The following ACMSD variants were observed in gnomAD, a reference collection of about 807,000 sequenced individuals.
The protein encoded by ACMSD is aminocarboxymuconate semialdehyde decarboxylase, also known as 2-amino-3-carboxymuconate-6-semialdehyde decarboxylase.
Under a neutral mutation model 45.9 loss-of-function variants are expected in ACMSD, and 37 were observed. The ratio of observed to expected loss-of-function variants is 0.81; its 90% CI spans 0.62 to 1.06. ACMSD has a LOEUF of 1.06. Among genes scored for constraint, ACMSD ranks in the 50% least tolerant of loss-of-function variants. The pLI, the probability that ACMSD is intolerant of heterozygous loss-of-function variation, is 0.00. For synonymous variants in ACMSD, 138 were observed against 148.8 expected, an observed-to-expected ratio of 0.93 and a Z score of 0.53; for missense variants, 434 against 420.9, an observed-to-expected ratio of 1.03 and a Z score of -0.27.
chr2:134,888,679 G>C (rs1392764594), intron 8 of ACMSD, among the ~76,000 whole-genome samples: 1 of 152,102 alleles, frequency 6.6e-6, no homozygotes, highest in Non-Finnish European at 1.5e-5. Context: ...AAAATAATTT[G>C]CTGATACACA....
At chr2:134,899,863 C>A (rs1233321170) in intron 9 of ACMSD, among the ~76,000 whole-genome samples, 3 of 151,994 alleles carry the variant, frequency 2.0e-5, no homozygotes, top group Non-Finnish European at 4.4e-5. Context: ...AGGTATAAAA[C>A]AATTTGTATA....
chr2:134,868,220 T>C lies in ACMSD; in HGVS notation c.580+548T>C, dbSNP rs1409107583. Among the ~76,000 whole-genome samples, 6 of 152,266 alleles carry C rather than the reference T, an allele frequency of 3.9e-5. No homozygotes were observed. In the East Asian group the frequency reaches 1.2e-3, roughly 29 times the overall value. ...ATAAAAGATGACCCAGGCTTGCAATTTGCCTGTTATCTGCTCCTCTCTTCT... is the reference window on the plus strand; with the variant it reads ...ATAAAAGATGACCCAGGCTTGCAATCTGCCTGTTATCTGCTCCTCTCTTCT... On this transcript the variant is annotated intron_variant, in intron 6 of 9. Coordinates refer to ENST00000356140, the MANE Select transcript of ACMSD (RefSeq NM_138326.3).
chr2:134,895,165 G>C (rs10182987), intron 8 of ACMSD, among the ~76,000 whole-genome samples: 8,761 of 151,682 alleles, frequency 0.058, 396 homozygotes, highest in African/African-American at 0.13. Flanking sequence ...AATTAGCCGA[G>C]TGTGGTGGCA....
At position 134,872,565 on chromosome 2, in the gene ACMSD, ACCTTGGTT is replaced by A; in HGVS notation, c.778_785del (p.Gly260LeufsTer8). ...GACAACCCCATGAACCCGAAGAAAT[ACCTTGGTT>A]CCTTTTACACAGATGCTTTGGTTCA... On this transcript the variant is annotated frameshift_variant, in exon 8 of 10. Transcript: ENST00000356140. LOFTEE classifies it high-confidence loss of function. 6.2e-7 allele frequency: 1 copy of A among 1,614,128 alleles called. No homozygotes were observed. The highest frequency in any genetic ancestry group is 8.5e-7 in the Non-Finnish European group (1 of 1,180,014).
At chr2:134,842,269 A>G (rs894167886) in intron 1 of ACMSD, among the ~76,000 whole-genome samples, 1 of 152,090 alleles carries the variant, frequency 6.6e-6, no homozygotes, top group African/African-American at 2.4e-5. Flanking sequence ...TCAAGCACAG[A>G]CCTGGAGAAG....
At position 134,867,679 on chromosome 2, in the gene ACMSD, G is replaced by A; in HGVS notation, c.580+7G>A. The A allele has an allele frequency of 6.2e-7, 1 of 1,612,730 alleles. No individual in the cohort carries two copies. Among genetic ancestry groups the A allele is most frequent in the Non-Finnish European group, 8.5e-7 (1 of 1,179,098 alleles). ...TGGCTCCCTTGGCTTGTAGGTTTGT[G>A]TCTGTGTGGGGTCTGGAACAGAGGA... On this transcript the variant is annotated splice_region_variant and intron_variant, in intron 6 of 9. Transcript: ENST00000356140.
chr2:134,873,679 A>C (rs948463390), intron 8 of ACMSD: 5 of 152,200 alleles, frequency 3.3e-5, no homozygotes, highest in Non-Finnish European at 4.4e-5. Flanking sequence ...CCAGAATATA[A>C]ATATTAAGCA....
chr2:134,889,596 T>C (rs1042889086), intron 8 of ACMSD, among the ~76,000 whole-genome samples: 13 of 152,160 alleles, frequency 8.5e-5, no homozygotes, highest in African/African-American at 1.9e-4. Context: ...AGTATAACAA[T>C]TGTTTACATA....
At chr2:134,876,134 T>C (rs1002234174) in intron 8 of ACMSD, among the ~76,000 whole-genome samples, 1 of 152,186 alleles carries the variant, frequency 6.6e-6, no homozygotes, top group Admixed American at 6.5e-5. Flanking sequence ...GGACTGGAAG[T>C]TGCTCTGGGT....
chr2:134,889,932 AATAGGTGAAC>A (rs1689680589), intron 8 of ACMSD, among the ~76,000 whole-genome samples: 1 of 152,152 alleles, frequency 6.6e-6, no homozygotes, highest in African/African-American at 2.4e-5. Context: ...TATATTAATA[AATAGGTGAAC>A]ATATATATTT....
At chr2:134,888,651 A>G (rs1428020767) in intron 8 of ACMSD, among the ~76,000 whole-genome samples, 2 of 152,220 alleles carry the variant, frequency 1.3e-5, no homozygotes, top group Non-Finnish European at 2.9e-5. Flanking sequence ...AAAAAACAAC[A>G]ACAAAACAGA....
intron 8 of ACMSD, among the ~76,000 whole-genome samples, chr2:134,885,277 ATTATATATTATATT>A (rs1689278024): frequency 1.6e-5 from 1 of 60,750 alleles, no homozygotes; most frequent in African/African-American, 8.8e-5. Context: ...AAATATATAT[ATTATATATTATATT>A]TATATATATA....
Position 134,838,694 on chromosome 2 carries a change from C to T in ACMSD, c.12C>T (p.Asp4=), listed in dbSNP as rs753040063. 1.9e-6 allele frequency: 3 copies of T among 1,607,020 alleles called. No homozygotes were observed. Among genetic ancestry groups the T allele is most frequent in the East Asian group, 2.2e-5 (1 of 44,848 alleles). MKI[D]IHSHILPKEW... is the part of the protein sequence containing the mutation. ...CTGATCCTGTGGAGATGAAAATTGA[C>T]ATCCATAGTCATATTCTACCAAAAG... The change falls in exon 1 of 10, where the codon GAC becomes GAT. Residue 4 remains aspartate (D), a synonymous_variant. Transcript: ENST00000356140.
intron 8 of ACMSD, among the ~76,000 whole-genome samples, chr2:134,885,283 T>TA (rs1559064572): frequency 2.1e-4 from 13 of 63,368 alleles, no homozygotes; most frequent in South Asian, 1.3e-3. Flanking sequence ...ATATATTATA[T>TA]ATTATATTTA....
chr2:134,900,130 G>A (rs1012825010), intron 9 of ACMSD, among the ~76,000 whole-genome samples: 11 of 152,134 alleles, frequency 7.2e-5, no homozygotes, highest in African/African-American at 1.2e-4. Flanking sequence ...TAAGTACATT[G>A]GAAGGTATAG....
At chr2:134,872,438 C>G in intron 7 of ACMSD, 31 bp from the exon 8 acceptor site, 1 of 1,613,608 alleles carries the variant, frequency 6.2e-7, no homozygotes, top group South Asian at 1.1e-5. Context: ...ACAATCAACA[C>G]TAGCCCCTCA....
At chr2:134,860,191 A>AGGC (rs1352850946) in intron 3 of ACMSD, among the ~76,000 whole-genome samples, 2 of 152,212 alleles carry the variant, frequency 1.3e-5, no homozygotes, top group Admixed American at 6.5e-5. Flanking sequence ...TGAACCCAGG[A>AGGC]GGCGGAGTTT....
chr2:134,880,191 T>C (rs1317513791), intron 8 of ACMSD, among the ~76,000 whole-genome samples: 2 of 152,192 alleles, frequency 1.3e-5, no homozygotes, highest in Non-Finnish European at 2.9e-5. Flanking sequence ...GAGGTGCTGT[T>C]GGGTAATGCA....
chr2:134,843,376 G>C (rs912011336), intron 1 of ACMSD, among the ~76,000 whole-genome samples: 3 of 152,156 alleles, frequency 2.0e-5, no homozygotes, highest in Non-Finnish European at 4.4e-5. Context: ...TTTGGGGCTA[G>C]GACTCAAGAA....
Sources: gnomAD v4.1 joint callset for allele counts (sites outside exome capture counted in the v4.1 genomes callset) on GRCh38, gnomAD v4.1.1 for gene constraint, MANE v1.5 for transcripts, NCBI Gene and HGNC (gene_info 2026-07-23, HGNC 2026-07-21) for gene names.